The following TRIM36 variants were observed in gnomAD, a reference collection of about 807,000 sequenced individuals.
TRIM36 encodes the protein tripartite motif containing 36, also known as E3 ubiquitin-protein ligase TRIM36.
Under a neutral mutation model 72.4 loss-of-function variants are expected in TRIM36, and 42 were observed. That is an observed-to-expected ratio of 0.58 (90% CI 0.45 to 0.75). The LOEUF is 0.75. Among genes scored for constraint, TRIM36 ranks in the 30% least tolerant of loss-of-function variants. TRIM36 has a pLI of 0.00. For missense variants in TRIM36, 913 were observed against 857.1 expected (o/e 1.07, Z -0.81); for synonymous variants, 315 against 282.8 (o/e 1.11, Z -1.14).
intron 2 of TRIM36, among the ~76,000 whole-genome samples, chr5:115,162,084 T>C (rs1267754100): frequency 6.6e-6 from 1 of 152,188 alleles, no homozygotes; most frequent in Non-Finnish European, 1.5e-5. Flanking sequence ...GAACCTCTGC[T>C]AGAGATATCC....
chr5:115,156,513 A>G (rs947668965), intron 2 of TRIM36, among the ~76,000 whole-genome samples: 2 of 152,184 alleles, frequency 1.3e-5, no homozygotes, highest in African/African-American at 4.8e-5. Flanking sequence ...AATAACCCAA[A>G]TACTTACAGC....
At position 115,177,422 on chromosome 5, in the gene TRIM36, A is replaced by G. The variant is rs181615504; in HGVS notation, c.63+2553T>C. On this transcript the variant is annotated intron_variant, in intron 1 of 9. Coordinates refer to the TRIM36 transcript ENST00000282369. ...GAGGGCAGGCCAACTACAGGCCTCT[A>G]CTCTCTTAACTCTCATAATTAGACC... 3.7e-4 allele frequency: 288 copies of G among 770,926 alleles called. 1 individual carries two copies. The East Asian group carries it at 0.015, about 39-fold the overall frequency. The allele number at this position is 770,926 out of a possible 1,614,324, so 47.8% of individuals were successfully genotyped here.
Position 115,130,818 on chromosome 5 carries a change from G to C in TRIM36, c.1570C>G (p.Arg524Gly). Residue 524 changes from arginine (R) to glycine (G), a missense_variant, in exon 9 of 10, where the codon CGT becomes GGT. Transcript: ENST00000513154. Reference sequence around the variant, plus strand: ...TTAAATCCAGCTCTACTCTCTACACGGTCTCTCTTCAAGTTCAGCAGGAGG... The same window carrying C: ...TTAAATCCAGCTCTACTCTCTACACCGTCTCTCTTCAAGTTCAGCAGGAGG... Reference protein sequence around the residue: ...EHLLLNLKRDRVESRAGFNLL... With the variant: ...EHLLLNLKRDGVESRAGFNLL... 1 of 1,613,986 alleles carries C rather than the reference G, an allele frequency of 6.2e-7. No homozygotes were observed. Among genetic ancestry groups the C allele is most frequent in the Non-Finnish European group, 8.5e-7 (1 of 1,179,986 alleles).
At chr5:115,147,005 G>C in intron 3 of TRIM36, 64 bp downstream of exon 3, 1 of 1,360,522 alleles carries the variant, frequency 7.4e-7, no homozygotes, top group Non-Finnish European at 1.0e-6. Flanking sequence ...GTAACATTAA[G>C]TACATAAAAG....
chr5:115,141,446 A>T, intron 4 of TRIM36, 72 bp from the exon 5 acceptor site: 1 of 939,230 alleles, frequency 1.1e-6, no homozygotes, highest in Non-Finnish European at 1.6e-6. Flanking sequence ...ATTTTTTTTT[A>T]ATTACACAGG....
intron 4 of TRIM36, 21 bp downstream of exon 4, chr5:115,144,577 T>C: frequency 3.7e-6 from 6 of 1,611,060 alleles, no homozygotes; most frequent in Non-Finnish European, 5.1e-6. Context: ...ATCAAAATTC[T>C]GTTCCAAAAA....
chr5:115,169,525 CGGGCTCCCGGCGGAGGAAA>C (rs1175138923), intron 1 of TRIM36, 64 bp downstream of exon 1: 18 of 1,430,780 alleles, frequency 1.3e-5, no homozygotes, highest in Non-Finnish European at 1.5e-5. Flanking sequence ...AGGCTCCCTC[CGGGCTCCCGGCGGAGGAAA>C]GAGAAAGAGC....
intron 8 of TRIM36, among the ~76,000 whole-genome samples, chr5:115,131,397 C>G (rs913027517): frequency 3.9e-5 from 6 of 152,112 alleles, no homozygotes; most frequent in African/African-American, 1.4e-4. Flanking sequence ...AAAAACACAG[C>G]TTTTGGGTTG....
chr5:115,152,752 G>A (rs1388365319), intron 2 of TRIM36, among the ~76,000 whole-genome samples: 6 of 152,094 alleles, frequency 3.9e-5, no homozygotes, highest in Non-Finnish European at 5.9e-5. Context: ...AATTTTATAC[G>A]CAGCAAAACT....
In TRIM36 at chr5:115,161,782, C is replaced by A. The variant is rs187990181; in HGVS notation, c.262+1736G>T. Among the ~76,000 whole-genome samples, 65 of 152,260 alleles carry A rather than the reference C, an allele frequency of 4.3e-4. 1 individual carries two copies. The highest frequency in any genetic ancestry group is 5.9e-5 in the Non-Finnish European group (4 of 68,016). On this transcript the variant is annotated intron_variant, in intron 2 of 9. Coordinates refer to ENST00000513154, the MANE Select transcript of TRIM36 (RefSeq NM_001300759.2). The stretch of plus-strand genomic sequence containing the variant: ...TCACTTTGGGCTGATGGTTTTCTTA[C>A]AGTAGTTGAGCTAAAGGGAAAATCA...
rs1305929336 is a variant in TRIM36, at chr5:115,124,970, T to C, written c.*1533A>G. On this transcript the variant is annotated 3_prime_UTR_variant, in exon 10 of 10. Transcript: ENST00000513154. Reference sequence around the variant, plus strand: ...TAATGATCCACATAACGCTGCATTATTTGCTTAGTTTAGCCTACATCATAA... The same window carrying C: ...TAATGATCCACATAACGCTGCATTACTTGCTTAGTTTAGCCTACATCATAA... 1.3e-5 allele frequency: 2 copies of C among 152,520 alleles called. No homozygotes were observed. Among genetic ancestry groups the C allele is most frequent in the African/African-American group, 2.4e-5 (1 of 41,448 alleles). The allele number at this position is 152,520 out of a possible 1,614,324, so 9.4% of individuals were successfully genotyped here. A position where few individuals can be genotyped will look rare whatever the true frequency, so the allele number is the denominator to read the frequency against.
intron 1 of TRIM36, among the ~76,000 whole-genome samples, chr5:115,179,363 G>C (rs906712814): frequency 2.6e-5 from 4 of 152,188 alleles, no homozygotes; most frequent in Admixed American, 2.6e-4. Context: ...CGCTCCTCCA[G>C]CATCTTCCCC....
At chr5:115,177,068 A>C (rs1455935394) in intron 1 of TRIM36, 2 of 152,244 alleles carry the variant, frequency 1.3e-5, no homozygotes, top group African/African-American at 4.8e-5. Context: ...CTAAGAAAAA[A>C]GGCTTACTTC....
At chr5:115,149,027 C>A (rs538229469) in intron 2 of TRIM36, 3 of 152,048 alleles carry the variant, frequency 2.0e-5, no homozygotes, top group Admixed American at 2.0e-4. Flanking sequence ...TGGCATTGGG[C>A]CCCAAAATCT....
chr5:115,162,977 G>A (rs1226408094), intron 2 of TRIM36, among the ~76,000 whole-genome samples: 1 of 145,542 alleles, frequency 6.9e-6, no homozygotes, highest in African/African-American at 2.6e-5. Context: ...TTTTTTTTGA[G>A]ACAGAGTTTC....
rs748735019 is a variant in TRIM36, at chr5:115,177,789, G to A, written c.63+2186C>T. On this transcript the variant is annotated intron_variant, in intron 1 of 9. Coordinates refer to the TRIM36 transcript ENST00000282369. ...GGAGAGACTGCTTTCCAACCTCAGA[G>A]ATTTCAAAGGGACAGCGGGCCTCTC... 8.1e-6 allele frequency: 13 copies of A among 1,614,038 alleles called. No homozygotes were observed. In the African/African-American group the frequency reaches 1.1e-4, roughly 13 times the overall value.
chr5:115,151,959 C>T (rs974705875), intron 2 of TRIM36, among the ~76,000 whole-genome samples: 1 of 152,140 alleles, frequency 6.6e-6, no homozygotes, highest in Non-Finnish European at 1.5e-5. Flanking sequence ...GGTAATATGA[C>T]AAAACAAGGT....
chr5:115,148,565 C>G (rs919607684), intron 2 of TRIM36, among the ~76,000 whole-genome samples: 4 of 151,836 alleles, frequency 2.6e-5, no homozygotes, highest in African/African-American at 7.3e-5. Context: ...CGCCCACCAC[C>G]ACACCTAGCT....
upstream of TRIM36, chr5:115,171,006 T>C (rs1755090385): frequency 1.9e-6 from 3 of 1,549,310 alleles, no homozygotes; most frequent in Non-Finnish European, 2.6e-6. Flanking sequence ...CCTTTCTGGC[T>C]AGCTAAACAA....
Sources: gnomAD v4.1 joint callset for allele counts (sites outside exome capture counted in the v4.1 genomes callset) on GRCh38, gnomAD v4.1.1 for gene constraint, MANE v1.5 for transcripts, NCBI Gene and HGNC (gene_info 2026-07-23, HGNC 2026-07-21) for gene names.